The following SOS1 variants were observed in gnomAD, a reference collection of about 807,000 sequenced individuals.
The protein encoded by SOS1 is son of sevenless homolog 1.
In SOS1, 25 loss-of-function variants were observed where a neutral mutation model predicts 157.6. The ratio of observed to expected loss-of-function variants is 0.16; its 90% CI spans 0.12 to 0.22. SOS1 has a LOEUF of 0.22. Ranked by LOEUF, SOS1 falls within the 10% of genes least tolerant of loss-of-function variation. SOS1 has a pLI of 1.00. For missense variants in SOS1, 1,237 were observed against 1,599.1 expected (o/e 0.77, Z 3.86); for synonymous variants, 528 against 534.0 (o/e 0.99, Z 0.16).
intron 14 of SOS1, 63 bp from the exon 15 acceptor site, chr2:39,010,766 T>C: frequency 7.5e-7 from 1 of 1,330,074 alleles, no homozygotes; most frequent in Non-Finnish European, 1.1e-6. Context: ...ATTGTTTTAT[T>C]AAGTAAAGGA....
At chr2:39,011,351 T>C (rs548695757) in intron 14 of SOS1, among the ~76,000 whole-genome samples, 1 of 152,302 alleles carries the variant, frequency 6.6e-6, no homozygotes, top group Admixed American at 6.5e-5. Context: ...GGTGACAAAG[T>C]AGACATTTAA....
At chr2:39,072,395 A>G (rs1351913746) in intron 1 of SOS1, among the ~76,000 whole-genome samples, 1 of 152,186 alleles carries the variant, frequency 6.6e-6, no homozygotes, top group Non-Finnish European at 1.5e-5. Context: ...TAAAATTGAA[A>G]AGGTGTGATG....
chr2:39,115,215 C>T (rs926087320), intron 1 of SOS1, among the ~76,000 whole-genome samples: 1 of 152,060 alleles, frequency 6.6e-6, no homozygotes, highest in Non-Finnish European at 1.5e-5. Flanking sequence ...AAACCATCAG[C>T]ACAATCAAGA....
chr2:39,118,484 T>C (rs1436350237), intron 1 of SOS1, among the ~76,000 whole-genome samples: 3 of 152,210 alleles, frequency 2.0e-5, no homozygotes, highest in Non-Finnish European at 4.4e-5. Context: ...ACCTTACATA[T>C]CAGCTAGATT....
chr2:39,060,288 CAT>C (rs1025729474), intron 2 of SOS1, among the ~76,000 whole-genome samples: 6 of 152,128 alleles, frequency 3.9e-5, no homozygotes, highest in African/African-American at 1.4e-4. Context: ...AACCTCAACT[CAT>C]AGTAAGAATA....
At chr2:39,013,594 G>A in intron 12 of SOS1, 31 bp from the exon 13 acceptor site, 1 of 1,338,086 alleles carries the variant, frequency 7.5e-7, no homozygotes, top group Non-Finnish European at 1.1e-6. Context: ...TGAATTACAT[G>A]GGAATCAAAC....
At chr2:39,093,315 A>G (rs1672655354) in intron 1 of SOS1, among the ~76,000 whole-genome samples, 1 of 152,198 alleles carries the variant, frequency 6.6e-6, no homozygotes, top group Non-Finnish European at 1.5e-5. Flanking sequence ...GTAGTAAACA[A>G]CTTCTAGTGT....
intron 2 of SOS1, 106 bp from the exon 3 acceptor site, chr2:39,058,910 C>A (rs1296630886): frequency 4.7e-6 from 4 of 855,964 alleles, no homozygotes; most frequent in Non-Finnish European, 1.9e-6. Context: ...GAGCTTTTCA[C>A]ATGTGGTATA....
At chr2:39,108,915 T>A (rs1389398977) in intron 1 of SOS1, among the ~76,000 whole-genome samples, 1 of 151,410 alleles carries the variant, frequency 6.6e-6, no homozygotes, top group Non-Finnish European at 1.5e-5. Context: ...AAAAATTATA[T>A]GGGCTGGGTG....
At chr2:39,046,651 C>T (rs533147569) in intron 6 of SOS1, among the ~76,000 whole-genome samples, 13 of 151,806 alleles carry the variant, frequency 8.6e-5, no homozygotes, top group Non-Finnish European at 1.9e-4. Context: ...ACTACAGGTG[C>T]GCACCACCAC....
chr2:38,985,441 C>A lies in SOS1; in HGVS notation c.*383G>T, dbSNP rs1045414518. 1.1e-5 allele frequency: 2 copies of A among 175,246 alleles called. No homozygotes were observed. The highest frequency in any genetic ancestry group is 1.4e-4 in the East Asian group (1 of 7,248). The allele number at this position is 175,246 out of a possible 1,614,324, so 10.9% of individuals were successfully genotyped here. A position where few individuals can be genotyped will look rare whatever the true frequency, so the allele number is the denominator to read the frequency against. On this transcript the variant is annotated 3_prime_UTR_variant, in exon 23 of 23. Transcript: ENST00000402219. ...GTTTAAGTTTTTTTTTTTAAAAGTG[C>A]ATAATTTGAATTACAAAAACTGTCA...
At chr2:39,104,879 G>A (rs1485325961) in intron 1 of SOS1, among the ~76,000 whole-genome samples, 1 of 152,188 alleles carries the variant, frequency 6.6e-6, no homozygotes, top group Non-Finnish European at 1.5e-5. Context: ...GGTAGAGACA[G>A]AAAGTAGATT....
At chr2:39,087,348 G>C (rs1672416831) in intron 1 of SOS1, among the ~76,000 whole-genome samples, 1 of 152,240 alleles carries the variant, frequency 6.6e-6, no homozygotes, top group Non-Finnish European at 1.5e-5. Flanking sequence ...GGCAAGAACA[G>C]TGGAGCTGTC....
intron 17 of SOS1, among the ~76,000 whole-genome samples, chr2:39,000,405 A>G (rs1300823092): frequency 1.3e-5 from 2 of 152,228 alleles, no homozygotes; most frequent in African/African-American, 4.8e-5. Context: ...TGAGAATTAT[A>G]TATTAGTAAA....
At chr2:39,026,346 C>A (rs1013946023) in intron 8 of SOS1, among the ~76,000 whole-genome samples, 3 of 104,206 alleles carry the variant, frequency 2.9e-5, no homozygotes, top group African/African-American at 4.0e-5. Context: ...CAGAGTGAGA[C>A]TCCGTCTCAA....
intron 20 of SOS1, among the ~76,000 whole-genome samples, chr2:38,990,665 A>C (rs1668704598): frequency 6.6e-6 from 1 of 152,178 alleles, no homozygotes; most frequent in South Asian, 2.1e-4. Flanking sequence ...GAATAGGAGT[A>C]AAATCAAAAC....
chr2:39,044,746 T>C (rs775890731), intron 6 of SOS1, among the ~76,000 whole-genome samples: 1 of 152,198 alleles, frequency 6.6e-6, no homozygotes, highest in Non-Finnish European at 1.5e-5. Flanking sequence ...TATGCAAGTT[T>C]TGCAGGGCTG....
In SOS1 at chr2:39,058,822, T is replaced by A. The variant is rs761467532; in HGVS notation, c.214-18A>T. 1.2e-6 allele frequency: 2 copies of A among 1,604,850 alleles called. No individual in the cohort carries two copies. The highest frequency in any genetic ancestry group is 3.4e-5 in the Admixed American group (2 of 59,690). The stretch of plus-strand genomic sequence containing the variant: ...ACACGTTCCTTGGAAAATAGGAAAA[T>A]AACAACTAAGCAAAAAATATATTAA... On this transcript the variant is annotated intron_variant, in intron 2 of 22. Coordinates refer to ENST00000402219, the MANE Select transcript of SOS1 (RefSeq NM_005633.4).
At position 39,058,770 on chromosome 2, in the gene SOS1, T is replaced by G. The variant is rs749485750; in HGVS notation, c.248A>C (p.Asp83Ala). The change falls in exon 3 of 23, where the codon GAT (aspartate) becomes GCT (alanine). Residue 83 changes from aspartate (D) to alanine (A), a missense_variant. Transcript: ENST00000402219. ...RVQKSFPHPIDKWAIADAQSA... is the reference protein window; with the variant it reads ...RVQKSFPHPIAKWAIADAQSA... Reference sequence around the variant, plus strand: ...TTGGGCATCAGCTATTGCCCATTTATCAATTGGATGAGGGAAACTTTTTTG... The same window carrying G: ...TTGGGCATCAGCTATTGCCCATTTAGCAATTGGATGAGGGAAACTTTTTTG... 6.2e-7 allele frequency: 1 copy of G among 1,612,386 alleles called. No homozygotes were observed. Among genetic ancestry groups the G allele is most frequent in the Non-Finnish European group, 8.5e-7 (1 of 1,178,974 alleles).
Sources: gnomAD v4.1 joint callset for allele counts (sites outside exome capture counted in the v4.1 genomes callset) on GRCh38, gnomAD v4.1.1 for gene constraint, MANE v1.5 for transcripts, NCBI Gene and HGNC (gene_info 2026-07-23, HGNC 2026-07-21) for gene names.